RAB14: variants seen among roughly 807,000 people sequenced by gnomAD.
RAB14 encodes the protein ras-related protein Rab-14.
Under a neutral mutation model 31.1 loss-of-function variants are expected in RAB14, and 3 were observed. The observed-to-expected ratio is 0.10, with a 90% CI of 0.04 to 0.25. The LOEUF is 0.25. Ranked by LOEUF, RAB14 falls within the 10% of genes least tolerant of loss-of-function variation. The probability of loss-of-function intolerance (pLI) is 1.00; values close to 1 mark genes in which losing one functional copy is unlikely to be tolerated. For missense variants in RAB14, 111 were observed against 260.1 expected, an observed-to-expected ratio of 0.43 and a Z score of 3.94; for synonymous variants, 85 against 84.9, an observed-to-expected ratio of 1.00 and a Z score of 0.00.
chr9:121,187,045 T>A, intron 4 of RAB14, 26 bp from the exon 5 acceptor site: 1 of 1,397,906 alleles, frequency 7.2e-7, no homozygotes, highest in Admixed American at 2.2e-5. Flanking sequence ...TTTAAATTTG[T>A]GACTGCCATA....
At chr9:121,191,137 C>G (rs1283977703) in intron 3 of RAB14, among the ~76,000 whole-genome samples, 1 of 152,082 alleles carries the variant, frequency 6.6e-6, no homozygotes, top group African/African-American at 2.4e-5. Flanking sequence ...TTTGCTGACC[C>G]CTCGACTAAA....
chr9:121,185,683 T>G (rs10818515), intron 5 of RAB14, among the ~76,000 whole-genome samples: 58,164 of 152,086 alleles, frequency 0.38, 12,602 homozygotes, highest in South Asian at 0.65. Context: ...ATTGGCTTTT[T>G]TACTGGGTAT....
At chr9:121,185,429 G>A (rs1030605387) in intron 5 of RAB14, among the ~76,000 whole-genome samples, 2 of 152,040 alleles carry the variant, frequency 1.3e-5, no homozygotes, top group African/African-American at 4.8e-5. Context: ...ATGTGCGTTC[G>A]TGCATGGGTG....
Position 121,180,626 on chromosome 9 carries a change from G to C in RAB14, c.*770C>G, listed in dbSNP as rs1396634530. On this transcript the variant is annotated 3_prime_UTR_variant, in exon 8 of 8. Coordinates refer to ENST00000373840, the MANE Select transcript of RAB14 (RefSeq NM_016322.4). ...GAAGGGAGTAACATGGTCACATATA[G>C]GTCATACTGTACAAACTGGTATTTT... 6.6e-6 allele frequency: 1 copy of C among 152,574 alleles called. No individual in the cohort carries two copies. The highest frequency in any genetic ancestry group is 2.4e-5 in the African/African-American group (1 of 41,430). The allele number at this position is 152,574 out of a possible 1,614,324, so 9.5% of individuals were successfully genotyped here. A position where few individuals can be genotyped will look rare whatever the true frequency, so the allele number is the denominator to read the frequency against.
At chr9:121,187,272 A>G (rs2053663608) in intron 4 of RAB14, among the ~76,000 whole-genome samples, 1 of 152,080 alleles carries the variant, frequency 6.6e-6, no homozygotes, top group Non-Finnish European at 1.5e-5. Flanking sequence ...TACTCCTAAA[A>G]GCATACCGTA....
At chr9:121,199,370 T>C (rs781753603) in intron 1 of RAB14, among the ~76,000 whole-genome samples, 4 of 152,252 alleles carry the variant, frequency 2.6e-5, no homozygotes, top group Non-Finnish European at 4.4e-5. Context: ...TCAAGTACAG[T>C]ACCTCTAATA....
In RAB14 at chr9:121,186,862, T is replaced by C. The variant is rs2053662223; in HGVS notation, c.351+91A>G. On this transcript the variant is annotated intron_variant, in intron 5 of 7. Transcript: ENST00000373840. Reference sequence around the variant, plus strand: ...TAAAAATTCTCTCATTCTTAGTACCTGAAGACAAAAATCTCACCAGTAAAT... The same window carrying C: ...TAAAAATTCTCTCATTCTTAGTACCCGAAGACAAAAATCTCACCAGTAAAT... 24 of 801,690 alleles carry C rather than the reference T, an allele frequency of 3.0e-5. 2 individuals are homozygous for C. The South Asian group carries it at 5.7e-4, about 19-fold the overall frequency. 49.7% of individuals were successfully genotyped at this position (801,690 alleles called of 1,614,324 possible).
At chr9:121,201,453 G>A (rs902117261) in intron 1 of RAB14, among the ~76,000 whole-genome samples, 186 bp downstream of exon 1, 6 of 152,042 alleles carry the variant, frequency 3.9e-5, no homozygotes, top group African/African-American at 2.4e-5. Context: ...CCCCGCCCAG[G>A]AGTCCTGTCA....
chr9:121,182,285 G>A (rs1400292223), intron 7 of RAB14, among the ~76,000 whole-genome samples: 3 of 152,182 alleles, frequency 2.0e-5, no homozygotes, highest in African/African-American at 7.2e-5. Flanking sequence ...GCTCAGCCAA[G>A]CATGAACTGA....
chr9:121,181,155 G>T lies in RAB14; in HGVS notation c.*241C>A. 1 of 361,100 alleles carries T rather than the reference G, an allele frequency of 2.8e-6. No homozygotes were observed. The highest frequency in any genetic ancestry group is 4.9e-6 in the Non-Finnish European group (1 of 203,438). 22.4% of individuals were successfully genotyped at this position (361,100 alleles called of 1,614,324 possible). A position where few individuals can be genotyped will look rare whatever the true frequency, so the allele number is the denominator to read the frequency against. On this transcript the variant is annotated 3_prime_UTR_variant, in exon 8 of 8. Transcript: ENST00000373840. ...TGACATACTTATCACGAGGACAAGG[G>T]GGAAAAAAAGTCTAGATTTACCATG...
rs898252795 is a variant in RAB14 at position 121,182,942 on chromosome 9, G to A, written c.458C>T (p.Ala153Val). The A allele has an allele frequency of 1.9e-6, 3 of 1,602,828 alleles. No homozygotes were observed. The highest frequency in any genetic ancestry group is 2.6e-6 in the Non-Finnish European group (3 of 1,172,458). The change falls in exon 7 of 8, where the codon GCG becomes GTG. Residue 153 changes from alanine to valine, a missense_variant. Transcript: ENST00000373840. ...TGGTCACACTTACGTTTTTGCACTC[G>A]CTTCGAGGAACAATAAGCCTAAAAA... ...AEENGLLFLE[A>V]SAKTGENVED...
Position 121,181,293 on chromosome 9 carries a change from A to T in RAB14, c.*103T>A. ...CAACAGAGTTTTTTCTTTTTTTTTA[A>T]TTAAACCCAGTAAGATGTACAGAAG... On this transcript the variant is annotated 3_prime_UTR_variant, in exon 8 of 8. Transcript: ENST00000373840. 2 of 1,213,828 alleles carry T rather than the reference A, an allele frequency of 1.6e-6. No individual in the cohort carries two copies. The highest frequency in any genetic ancestry group is 2.2e-6 in the Non-Finnish European group (2 of 904,780). 75.2% of individuals were successfully genotyped at this position (1,213,828 alleles called of 1,614,324 possible).
chr9:121,189,427 A>C (rs2053675062), intron 4 of RAB14, among the ~76,000 whole-genome samples: 1 of 152,140 alleles, frequency 6.6e-6, no homozygotes, highest in African/African-American at 2.4e-5. Context: ...CAGGTTTATT[A>C]ACAGTCTTCC....
rs1437651647 is a variant in RAB14, at chr9:121,179,460, A to G, written c.*1936T>C. The G allele has an allele frequency of 6.6e-6, 1 of 152,590 alleles. No homozygotes were observed. Among genetic ancestry groups the G allele is most frequent in the African/African-American group, 2.4e-5 (1 of 41,440 alleles). The allele number at this position is 152,590 out of a possible 1,614,324, so 9.5% of individuals were successfully genotyped here. ...AGGGTATTGCACCTCAACAAGCCGC[A>G]GTCTTTAGTTTGTGATTGCTACCTT... On this transcript the variant is annotated 3_prime_UTR_variant, in exon 8 of 8. Coordinates refer to ENST00000373840, the MANE Select transcript of RAB14 (RefSeq NM_016322.4).
At chr9:121,186,607 T>C (rs553882010) in intron 5 of RAB14, among the ~76,000 whole-genome samples, 6 of 152,282 alleles carry the variant, frequency 3.9e-5, no homozygotes, top group South Asian at 4.1e-4. Flanking sequence ...GAAAGATCTC[T>C]TCTACGTTTT....
At chr9:121,197,466 A>G (rs1233170044) in intron 1 of RAB14, among the ~76,000 whole-genome samples, 2 of 152,190 alleles carry the variant, frequency 1.3e-5, no homozygotes, top group African/African-American at 4.8e-5. Context: ...CTTTTACTCA[A>G]CAAAATGATA....
intron 3 of RAB14, among the ~76,000 whole-genome samples, chr9:121,191,386 G>A (rs1320957890): frequency 6.6e-6 from 1 of 151,968 alleles, no homozygotes; most frequent in Non-Finnish European, 1.5e-5. Context: ...CACCCATGTT[G>A]GAGTGCAGTA....
At position 121,179,745 on chromosome 9, in the gene RAB14, C is replaced by T. The variant is rs1354921513; in HGVS notation, c.*1651G>A. On this transcript the variant is annotated 3_prime_UTR_variant, in exon 8 of 8. Transcript: ENST00000373840. ...AGTTTTGGCTTTTATTTAACATTGA[C>T]TATACAATACTCTGGTACTACCACA... 1.3e-5 allele frequency: 2 copies of T among 152,642 alleles called. No individual in the cohort carries two copies. The highest frequency in any genetic ancestry group is 2.9e-5 in the Non-Finnish European group (2 of 68,050). The allele number at this position is 152,642 out of a possible 1,614,324, so 9.5% of individuals were successfully genotyped here.
At chr9:121,192,054 A>T (rs1329181932) in intron 3 of RAB14, 117 bp downstream of exon 3, 4 of 701,802 alleles carry the variant, frequency 5.7e-6, no homozygotes, top group Non-Finnish European at 8.8e-6. Context: ...AAAAAGTACA[A>T]ATATAGGGAA....
Sources: gnomAD v4.1 joint callset for allele counts (sites outside exome capture counted in the v4.1 genomes callset) on GRCh38, gnomAD v4.1.1 for gene constraint, MANE v1.5 for transcripts, NCBI Gene and HGNC (gene_info 2026-07-23, HGNC 2026-07-21) for gene names.